The following KTI12 variants were observed in gnomAD, a reference collection of about 807,000 sequenced individuals.
The protein encoded by KTI12 is KTI12 chromatin associated homolog, also known as protein KTI12 homolog.
In KTI12, 8 loss-of-function variants were observed where a neutral mutation model predicts 8.8. The ratio of observed to expected loss-of-function variants is 0.91; its 90% confidence interval spans 0.53 to 1.64. The LOEUF (loss-of-function observed/expected upper bound fraction) is 1.64, where lower values mean the gene tolerates loss of function less well. Ranked by LOEUF, KTI12 falls within the 40% of genes most tolerant of loss-of-function variation. The pLI, the probability that KTI12 is intolerant of heterozygous loss-of-function variation, is 0.00. For synonymous variants in KTI12, 216 were observed against 220.1 expected, an observed-to-expected ratio of 0.98 and a Z score of 0.17; for missense variants, 490 against 492.1, an observed-to-expected ratio of 1.00 and a Z score of 0.04.
rs1685778204 is a variant in KTI12 at position 52,032,384 on chromosome 1, G to A, written c.*313C>T. ...GTCTGCTCTCCCACGCCTCAGATGA[G>A]GGAAGCCAATGGTCAATGCTCTGTG... On this transcript the variant is annotated 3_prime_UTR_variant, in exon 1 of 1. Transcript: ENST00000371614. 8.9e-7 allele frequency: 1 copy of A among 1,122,478 alleles called. No individual in the cohort carries two copies. Among genetic ancestry groups the A allele is most frequent in the African/African-American group, 1.6e-5 (1 of 62,016 alleles). The allele number at this position is 1,122,478 out of a possible 1,614,324, so 69.5% of individuals were successfully genotyped here. A position where few individuals can be genotyped will look rare whatever the true frequency, so the allele number is the denominator to read the frequency against.
At position 52,032,898 on chromosome 1, in the gene KTI12, C is replaced by T. The variant is rs145892168; in HGVS notation, c.864G>A (p.Ala288=). 1,213 of 1,612,692 alleles carry T rather than the reference C, an allele frequency of 7.5e-4. 10 individuals are homozygous for T. The African/African-American group carries it at 0.014, about 19-fold the overall frequency. The stretch of plus-strand genomic sequence containing the variant: ...AGTCCCCGGGGACAGCGCTCTTCTG[C>T]GCTTCCATCAATCCGGCCAGTACTT... ...TSQVLAGLME[A]QKSAVPGDLL... The change falls in exon 1 of 1, where the codon GCG becomes GCA. Residue 288 remains alanine, a synonymous_variant. Coordinates refer to ENST00000371614, the MANE Select transcript of KTI12 (RefSeq NM_138417.3).
At position 52,033,602 on chromosome 1, in the gene KTI12, G is replaced by A. The variant is rs773598417; in HGVS notation, c.160C>T (p.Arg54Cys). 11 of 1,612,966 alleles carry A rather than the reference G, an allele frequency of 6.8e-6. No individual in the cohort carries two copies. Among genetic ancestry groups the A allele is most frequent in the Non-Finnish European group, 6.8e-6 (8 of 1,179,924 alleles). Residue 54 changes from arginine (R) to cysteine (C), a missense_variant, in exon 1 of 1, where the codon CGT becomes TGT. Transcript: ENST00000371614. ...EDPAVYGDSA[R>C]EKALRGALRA... ...AGAGCTCCACGCAATGCCTTCTCAC[G>A]GGCAGAATCGCCGTACACCGCTGGG...
In KTI12 at chr1:52,032,257, A is replaced by G; in HGVS notation, c.*440T>C. 2.0e-6 allele frequency: 2 copies of G among 989,624 alleles called. No individual in the cohort carries two copies. Among genetic ancestry groups the G allele is most frequent in the Non-Finnish European group, 2.4e-6 (2 of 832,852 alleles). The allele number at this position is 989,624 out of a possible 1,614,324, so 61.3% of individuals were successfully genotyped here. On this transcript the variant is annotated 3_prime_UTR_variant, in exon 1 of 1. Transcript: ENST00000371614. Reference sequence around the variant, plus strand: ...TAGCAAAAAGTCAGTACAGTACTCAAAAAATACTTTTGTGGTATGAAAAAA... The same window carrying G: ...TAGCAAAAAGTCAGTACAGTACTCAGAAAATACTTTTGTGGTATGAAAAAA...
At position 52,033,201 on chromosome 1, in the gene KTI12, A is replaced by G; in HGVS notation, c.561T>C (p.Leu187=). 1 of 1,614,228 alleles carries G rather than the reference A, an allele frequency of 6.2e-7. No individual in the cohort carries two copies. Among genetic ancestry groups the G allele is most frequent in the Non-Finnish European group, 8.5e-7 (1 of 1,180,040 alleles). ...EESGAAESPA[L]VTPDSEKSAK... Reference sequence around the variant, plus strand: ...CAGATTTCTCTGAATCCGGAGTCACAAGAGCTGGAGACTCCGCAGCCCCGG... The same window carrying G: ...CAGATTTCTCTGAATCCGGAGTCACGAGAGCTGGAGACTCCGCAGCCCCGG... Residue 187 remains leucine, a synonymous_variant, in exon 1 of 1, where the codon CTT becomes CTC. Coordinates refer to ENST00000371614, the MANE Select transcript of KTI12 (RefSeq NM_138417.3).
In KTI12 at chr1:52,033,196, G is replaced by C. The variant is rs138486051; in HGVS notation, c.566C>G (p.Thr189Ser). ...SGAAESPALV[T>S]PDSEKSAKHG... is the part of the protein sequence containing the mutation. ...CTTTGCAGATTTCTCTGAATCCGGAGTCACAAGAGCTGGAGACTCCGCAGC... is the reference window on the plus strand; with the variant it reads ...CTTTGCAGATTTCTCTGAATCCGGACTCACAAGAGCTGGAGACTCCGCAGC... Residue 189 changes from threonine to serine, a missense_variant, in exon 1 of 1, where the codon ACT becomes AGT. Physicochemically the swap from Thr to Ser is moderately conservative, Grantham distance 58. Coordinates refer to ENST00000371614, the MANE Select transcript of KTI12 (RefSeq NM_138417.3). 5.2e-4 allele frequency: 841 copies of C among 1,614,210 alleles called. No homozygotes were observed. The highest frequency in any genetic ancestry group is 9.9e-4 in the Middle Eastern group (6 of 6,060).
At position 52,033,757 on chromosome 1, in the gene KTI12, G is replaced by C; in HGVS notation, c.5C>G (p.Pro2Arg). 1 of 1,595,920 alleles carries C rather than the reference G, an allele frequency of 6.3e-7. No individual in the cohort carries two copies. Among genetic ancestry groups the C allele is most frequent in the Non-Finnish European group, 8.5e-7 (1 of 1,170,370 alleles). The change falls in exon 1 of 1, where the codon CCG becomes CGG. Residue 2 changes from proline (P) to arginine (R), a missense_variant. Coordinates refer to ENST00000371614, the MANE Select transcript of KTI12 (RefSeq NM_138417.3). Reference sequence around the variant, plus strand: ...CGGCAGCCCGCAAAACACCACGAGCGGCATCCTCTCAGGGAGCGACCATTG... The same window carrying C: ...CGGCAGCCCGCAAAACACCACGAGCCGCATCCTCTCAGGGAGCGACCATTG... The part of the protein sequence containing the change: M[P>R]LVVFCGLPYS...
At position 52,033,808 on chromosome 1, in the gene KTI12, G is replaced by T; in HGVS notation, c.-47C>A. ...GCAACCGCGCTGCGCCAACTTCCGG[G>T]TTGTACGCGTCTCCGACGTAAGCCG... On this transcript the variant is annotated 5_prime_UTR_variant, in exon 1 of 1. Transcript: ENST00000371614. The T allele has an allele frequency of 6.6e-7, 1 of 1,506,954 alleles. No individual in the cohort carries two copies. The allele number at this position is 1,506,954 out of a possible 1,614,324, so 93.3% of individuals were successfully genotyped here.
At position 52,033,295 on chromosome 1, in the gene KTI12, T is replaced by C. The variant is rs759835556; in HGVS notation, c.467A>G (p.His156Arg). The change falls in exon 1 of 1, where the codon CAT becomes CGT. Residue 156 changes from histidine (H) to arginine (R), a missense_variant. Physicochemically the swap from His to Arg is conservative, Grantham distance 29. Coordinates refer to ENST00000371614, the MANE Select transcript of KTI12 (RefSeq NM_138417.3). ...AAGSSVLREL[H>R]TADSVVNGSA... The stretch of plus-strand genomic sequence containing the variant: ...TCCATTTACTACAGAGTCCGCAGTA[T>C]GCAGTTCCCTGAGGACGCTGCTGCC... The C allele has an allele frequency of 1.6e-4, 262 of 1,613,872 alleles. No homozygotes were observed. The highest frequency in any genetic ancestry group is 2.1e-4 in the Non-Finnish European group (248 of 1,179,990).
chr1:52,033,731 A>T lies in KTI12; in HGVS notation c.31T>A (p.Tyr11Asn). 1 of 1,607,362 alleles carries T rather than the reference A, an allele frequency of 6.2e-7. No individual in the cohort carries two copies. The highest frequency in any genetic ancestry group is 8.5e-7 in the Non-Finnish European group (1 of 1,176,768). Residue 11 changes from tyrosine (Y) to asparagine (N), a missense_variant, in exon 1 of 1, where the codon TAC (tyrosine) becomes AAC (asparagine). Transcript: ENST00000371614. Reference protein sequence around the residue: MPLVVFCGLPYSGKSRRAEEL... With the variant: MPLVVFCGLPNSGKSRRAEEL... ...TCAGCACGCCGGCTCTTGCCGCTGT[A>T]CGGCAGCCCGCAAAACACCACGAGC...
Position 52,032,550 on chromosome 1 carries a change from G to T in KTI12, c.*147C>A. On this transcript the variant is annotated 3_prime_UTR_variant, in exon 1 of 1. Coordinates refer to ENST00000371614, the MANE Select transcript of KTI12 (RefSeq NM_138417.3). ...TGTAAACCCAAGGCCTGGCACAGGG[G>T]TATGCAGGAAAGTTTGAGTGAATCA... 7.1e-7 allele frequency: 1 copy of T among 1,403,268 alleles called. No individual in the cohort carries two copies. Among genetic ancestry groups the T allele is most frequent in the Non-Finnish European group, 9.2e-7 (1 of 1,083,382 alleles). 86.9% of individuals were successfully genotyped at this position (1,403,268 alleles called of 1,614,324 possible). A position where few individuals can be genotyped will look rare whatever the true frequency, so the allele number is the denominator to read the frequency against.
chr1:52,033,659 C>A lies in KTI12; in HGVS notation c.103G>T (p.Val35Leu). Residue 35 changes from valine (V) to leucine (L), a missense_variant, in exon 1 of 1, where the codon GTG becomes TTG. Transcript: ENST00000371614. Reference protein sequence around the residue: ...LAAEGRAVYVVDDAAVLGAED... With the variant: ...LAAEGRAVYVLDDAAVLGAED... Reference sequence around the variant, plus strand: ...GCGCCCAGGACAGCTGCGTCGTCCACCACGTACACCGCGCGGCCCTCGGCA... The same window carrying A: ...GCGCCCAGGACAGCTGCGTCGTCCAACACGTACACCGCGCGGCCCTCGGCA... 6.2e-7 allele frequency: 1 copy of A among 1,611,316 alleles called. No homozygotes were observed. Among genetic ancestry groups the A allele is most frequent in the Non-Finnish European group, 8.5e-7 (1 of 1,179,842 alleles).
In KTI12 at chr1:52,033,236, G is replaced by T. The variant is rs776375416; in HGVS notation, c.526C>A (p.Arg176=). The change falls in exon 1 of 1, where the codon CGA becomes AGA. Residue 176 remains arginine, a synonymous_variant. Transcript: ENST00000371614. The stretch of plus-strand genomic sequence containing the variant: ...GACTCCGCAGCCCCGGATTCTTCTC[G>T]CTCCAGTTCCTTGGGTACGTCGGCC... ...AQADVPKELE[R]EESGAAESPA... The T allele has an allele frequency of 1.9e-5, 30 of 1,613,904 alleles. No individual in the cohort carries two copies. The Admixed American group carries it at 5.0e-4, about 27-fold the overall frequency.
chr1:52,033,035 C>G lies in KTI12; in HGVS notation c.727G>C (p.Gly243Arg). Residue 243 changes from glycine (G) to arginine (R), a missense_variant, in exon 1 of 1, where the codon GGG becomes CGG. Transcript: ENST00000371614. ...TTCTCAAACAGGGCAGAGCGGATCC[C>G]CGCCAGGGGCAACGGCTCCTCTAGG... ...VGLEEPLPLA[G>R]IRSALFENRA... The G allele has an allele frequency of 6.3e-7, 1 of 1,575,566 alleles. No individual in the cohort carries two copies. The highest frequency in any genetic ancestry group is 8.6e-7 in the Non-Finnish European group (1 of 1,163,940).
Position 52,032,989 on chromosome 1 carries a change from T to C in KTI12, c.773A>G (p.Gln258Arg). ...LFENRAPPPH[Q>R]STQSQPLASG... The stretch of plus-strand genomic sequence containing the variant: ...GGCGAGGGGCTGGGACTGCGTAGAC[T>C]GATGGGGTGGTGGGGCCCGGTTCTC... Residue 258 changes from glutamine (Q) to arginine (R), a missense_variant, in exon 1 of 1, where the codon CAG (glutamine) becomes CGG (arginine). By Grantham distance (43) the Gln-to-Arg change is conservative (BLOSUM62 1). Transcript: ENST00000371614. The C allele has an allele frequency of 6.4e-7, 1 of 1,566,322 alleles. No individual in the cohort carries two copies. Among genetic ancestry groups the C allele is most frequent in the South Asian group, 1.2e-5 (1 of 82,232 alleles).
rs1685819464 is a variant in KTI12 at position 52,033,495 on chromosome 1, G to C, written c.267C>G (p.Tyr89Ter). 6.2e-7 allele frequency: 1 copy of C among 1,613,868 alleles called. No homozygotes were observed. The highest frequency in any genetic ancestry group is 8.5e-7 in the Non-Finnish European group (1 of 1,179,906). The change falls in exon 1 of 1, where the codon TAC becomes TAG. Residue 89 changes from tyrosine (Y) to a stop codon, truncating the protein, a stop_gained. Coordinates refer to ENST00000371614, the MANE Select transcript of KTI12 (RefSeq NM_138417.3). LOFTEE classifies it low-confidence loss of function (END_TRUNC). ...CCGCCCGTGCCAGGCAGTAGAGCTCGTAACGGAAACCTTTGATGTAGTTAA... is the reference window on the plus strand; with the variant it reads ...CCGCCCGTGCCAGGCAGTAGAGCTCCTAACGGAAACCTTTGATGTAGTTAA... ...DSLNYIKGFR[Y>*]ELYCLARAAR...
In KTI12 at chr1:52,032,130, G is replaced by A; in HGVS notation, c.*567C>T. The A allele has an allele frequency of 1.0e-6, 1 of 961,682 alleles. No homozygotes were observed. The highest frequency in any genetic ancestry group is 1.2e-6 in the Non-Finnish European group (1 of 808,432). The allele number at this position is 961,682 out of a possible 1,614,324, so 59.6% of individuals were successfully genotyped here. ...GACTATTTTAAAAGATTTTATTAGA[G>A]GAAATAATCTAGTAGATAACTTTCT... On this transcript the variant is annotated 3_prime_UTR_variant, in exon 1 of 1. Transcript: ENST00000371614.
Position 52,033,126 on chromosome 1 carries a change from T to A in KTI12, c.636A>T (p.Leu212=). Residue 212 remains leucine, a synonymous_variant, in exon 1 of 1, where the codon CTA becomes CTT. Transcript: ENST00000371614. ...AFYSPELLEA[L]TLRFEAPDSR... ...AATCGGGAGCCTCAAAGCGCAGCGT[T>A]AGGGCCTCCAGGAGTTCGGGAGAGT... The A allele has an allele frequency of 6.2e-7, 1 of 1,614,028 alleles. No individual in the cohort carries two copies. The highest frequency in any genetic ancestry group is 8.5e-7 in the Non-Finnish European group (1 of 1,180,008).
rs781735198 is a variant in KTI12, at chr1:52,033,266, C to T, written c.496G>A (p.Ala166Thr). The change falls in exon 1 of 1, where the codon GCC becomes ACC. Residue 166 changes from alanine to threonine, a missense_variant. Ala to Thr is a moderately conservative substitution (Grantham distance 58). Coordinates refer to ENST00000371614, the MANE Select transcript of KTI12 (RefSeq NM_138417.3). Reference protein sequence around the residue: ...HTADSVVNGSAQADVPKELER... With the variant: ...HTADSVVNGSTQADVPKELER... The stretch of plus-strand genomic sequence containing the variant: ...AGTTCCTTGGGTACGTCGGCCTGGG[C>T]ACTTCCATTTACTACAGAGTCCGCA... The T allele has an allele frequency of 6.2e-7, 1 of 1,613,816 alleles. No individual in the cohort carries two copies. The highest frequency in any genetic ancestry group is 1.7e-5 in the Admixed American group (1 of 60,010).
rs1490439117 is a variant in KTI12 at position 52,033,417 on chromosome 1, C to T, written c.345G>A (p.Ala115=). Residue 115 remains alanine (A), a synonymous_variant, in exon 1 of 1, where the codon GCG becomes GCA. Transcript: ENST00000371614. ...VYCVRPGGPI[A]GPQVAGANEN... is the part of the protein sequence containing the mutation. ...CGTTCGCGCCCGCCACCTGAGGTCC[C>T]GCGATCGGGCCGCCGGGCCGTACGC... The T allele has an allele frequency of 4.1e-6, 6 of 1,451,218 alleles. No individual in the cohort carries two copies. Among genetic ancestry groups the T allele is most frequent in the Admixed American group, 1.8e-5 (1 of 56,294 alleles). 89.9% of individuals were successfully genotyped at this position (1,451,218 alleles called of 1,614,324 possible).
Sources: gnomAD v4.1 joint callset for allele counts on GRCh38, gnomAD v4.1.1 for gene constraint, MANE v1.5 for transcripts, NCBI Gene and HGNC (gene_info 2026-07-23, HGNC 2026-07-21) for gene names.